The following LAMB4 variants were observed in gnomAD, a reference collection of about 807,000 sequenced individuals.
LAMB4 encodes laminin subunit beta 4.
Under a neutral mutation model 199.2 loss-of-function variants are expected in LAMB4, and 196 were observed. The observed-to-expected ratio is 0.98, with a 90% CI of 0.88 to 1.11. The LOEUF (loss-of-function observed/expected upper bound fraction) is 1.11, where lower values mean the gene tolerates loss of function less well. LAMB4 is among the 50% of genes least tolerant of loss of function. The pLI is 0.00. For synonymous variants in LAMB4, 744 were observed against 770.6 expected, an observed-to-expected ratio of 0.97 and a Z score of 0.57; for missense variants, 2,080 against 2,171.2, an observed-to-expected ratio of 0.96 and a Z score of 0.83.
chr7:108,107,731 G>A lies in LAMB4; in HGVS notation c.491C>T (p.Ala164Val). The A allele has an allele frequency of 6.2e-7, 1 of 1,613,646 alleles. No individual in the cohort carries two copies. The highest frequency in any genetic ancestry group is 8.5e-7 in the Non-Finnish European group (1 of 1,179,700). The change falls in exon 6 of 34, where the codon GCC becomes GTC. Residue 164 changes from alanine (A) to valine (V), a missense_variant. Transcript: ENST00000388781. ...AGATGTGATGTTAGGAAAGGAAGTG[G>A]CACAGTCTTTTGCAAAATATTTGAA... is the stretch of plus-strand genomic sequence containing the variant. Reference protein sequence around the residue: ...KVFKYFAKDCATSFPNITSGQ... With the variant: ...KVFKYFAKDCVTSFPNITSGQ...
chr7:108,100,793 G>A (rs2037788471), intron 10 of LAMB4, among the ~76,000 whole-genome samples: 1 of 152,170 alleles, frequency 6.6e-6, no homozygotes, highest in Non-Finnish European at 1.5e-5. Context: ...AGTTATGTGT[G>A]TGCATGATTA....
chr7:108,061,848 C>G (rs1303205586), intron 23 of LAMB4, among the ~76,000 whole-genome samples: 1 of 151,972 alleles, frequency 6.6e-6, no homozygotes, highest in Non-Finnish European at 1.5e-5. Flanking sequence ...TAAGAACTAC[C>G]TTCAAAAGAC....
At chr7:108,107,284 A>G (rs1166465967) in intron 6 of LAMB4, among the ~76,000 whole-genome samples, 3 of 152,180 alleles carry the variant, frequency 2.0e-5, no homozygotes, top group African/African-American at 7.2e-5. Flanking sequence ...GTGGTGGTTT[A>G]CAGAGTATGG....
chr7:108,126,513 T>C (rs1584803723), intron 1 of LAMB4, among the ~76,000 whole-genome samples: 1 of 151,612 alleles, frequency 6.6e-6, no homozygotes, highest in Non-Finnish European at 1.5e-5. Flanking sequence ...CATAATGTCC[T>C]AAAGGTTCAT....
chr7:108,056,568 C>G (rs1455906345), intron 24 of LAMB4, among the ~76,000 whole-genome samples: 2 of 152,130 alleles, frequency 1.3e-5, no homozygotes, highest in African/African-American at 4.8e-5. Flanking sequence ...TCTGACCAAG[C>G]CTGAAGATAG....
intron 14 of LAMB4, among the ~76,000 whole-genome samples, chr7:108,082,358 C>A (rs1374190866): frequency 6.7e-6 from 1 of 148,588 alleles, no homozygotes. Context: ...AAAAGAGTCG[C>A]AGAACTTCAG....
rs200078120 is a variant in LAMB4, at chr7:108,025,363, A to ATTCT, written c.5147-1189_5147-1186dup. ...AAGGTGGTGAGTGTTCTGTCACTAG[A>ATTCT]TTCTTTCTTTCTTTCTTTTCTTTTC... On this transcript the variant is annotated intron_variant, in intron 33 of 33. Coordinates refer to ENST00000388781, the MANE Select transcript of LAMB4 (RefSeq NM_007356.3). 8.1e-5 allele frequency among the ~76,000 whole-genome samples: 11 copies of ATTCT among 135,148 alleles called. 1 individual carries two copies. The highest frequency in any genetic ancestry group is 1.2e-4 in the Non-Finnish European group (8 of 66,796). 88.7% of individuals were successfully genotyped at this position (135,148 alleles called of 152,430 possible).
chr7:108,014,945 C>G, the LAMB4 span, among the ~76,000 whole-genome samples: 1 of 152,160 alleles, frequency 6.6e-6, no homozygotes, highest in African/African-American at 2.4e-5. Context: ...TGGTCTCGAA[C>G]TCCTGACCTC....
At chr7:108,129,268 C>A (rs912082519) in intron 1 of LAMB4, among the ~76,000 whole-genome samples, 1 of 151,856 alleles carries the variant, frequency 6.6e-6, no homozygotes, top group Admixed American at 6.5e-5. Flanking sequence ...ACATGCATTC[C>A]GCTCCTGTTT....
chr7:108,030,118 CAAA>C (rs749155829), intron 32 of LAMB4, among the ~76,000 whole-genome samples: 5 of 79,870 alleles, frequency 6.3e-5, no homozygotes, highest in Admixed American at 2.9e-4. Flanking sequence ...CTCTGTCTCA[CAAA>C]AAAAAAAAAA....
Position 108,065,833 on chromosome 7 carries a change from T to C in LAMB4, c.2765A>G (p.Tyr922Cys). The C allele has an allele frequency of 6.2e-7, 1 of 1,614,056 alleles. No homozygotes were observed. The highest frequency in any genetic ancestry group is 8.5e-7 in the Non-Finnish European group (1 of 1,179,926). ...ATTCTGATAACAGGAATGGGCAAAA[T>C]ACTGATTGCTTGAGGGATCATCTGG... Reference protein sequence around the residue: ...LCPDDPSSNQYFAHSCYQNLW... With the variant: ...LCPDDPSSNQCFAHSCYQNLW... The change falls in exon 21 of 34, where the codon TAT becomes TGT. Residue 922 changes from tyrosine (Y) to cysteine (C), a missense_variant. Coordinates refer to ENST00000388781, the MANE Select transcript of LAMB4 (RefSeq NM_007356.3).
rs752876379 is a variant in LAMB4 at position 108,079,654 on chromosome 7, T to C, written c.1834A>G (p.Asn612Asp). ...AAGTCCACAGGAAAGGGAATGTTGT[T>C]GACAGCAAATCTCAAGCCAGCCCCA... ...LPGAGLRFAV[N>D]NIPFPVDFTI... The change falls in exon 15 of 34, where the codon AAC (asparagine) becomes GAC (aspartate). Residue 612 changes from asparagine (N) to aspartate (D), a missense_variant. By Grantham distance (23) the Asn-to-Asp change is conservative. Coordinates refer to ENST00000388781, the MANE Select transcript of LAMB4 (RefSeq NM_007356.3). 1.9e-6 allele frequency: 3 copies of C among 1,613,150 alleles called. No individual in the cohort carries two copies. Among genetic ancestry groups the C allele is most frequent in the Non-Finnish European group, 1.7e-6 (2 of 1,179,716 alleles).
Position 108,106,492 on chromosome 7 carries a change from T to A in LAMB4, c.655+17A>T. The A allele has an allele frequency of 6.9e-7, 1 of 1,444,190 alleles. No homozygotes were observed. Among genetic ancestry groups the A allele is most frequent in the Non-Finnish European group, 9.6e-7 (1 of 1,046,358 alleles). 89.5% of individuals were successfully genotyped at this position (1,444,190 alleles called of 1,614,324 possible). On this transcript the variant is annotated intron_variant, in intron 7 of 33. Coordinates refer to ENST00000388781, the MANE Select transcript of LAMB4 (RefSeq NM_007356.3). ...ATTTTTTTAAAGCTGATATGAAAAA[T>A]ATAAAGGAATTCATACCTTGGATGT...
Position 108,055,693 on chromosome 7 carries a change from T to G in LAMB4, c.3694A>C (p.Lys1232Gln). The G allele has an allele frequency of 1.2e-6, 2 of 1,614,100 alleles. No individual in the cohort carries two copies. The highest frequency in any genetic ancestry group is 8.5e-7 in the Non-Finnish European group (1 of 1,179,930). ...TTCCCAGATGGGAAAACAGGATGTT[T>G]CAAAATCCTTTCTATTTCAGACACG... ...GNVSEIERILKHPVFPSGKFL... is the reference protein window; with the variant it reads ...GNVSEIERILQHPVFPSGKFL... Residue 1232 changes from lysine to glutamine, a missense_variant, in exon 25 of 34, where the codon AAA becomes CAA. Transcript: ENST00000388781.
At chr7:108,058,063 T>A in intron 23 of LAMB4, 135 bp from the exon 24 acceptor site, 1 of 656,546 alleles carries the variant, frequency 1.5e-6, no homozygotes, top group Non-Finnish European at 2.7e-6. Flanking sequence ...ATGATTCCCA[T>A]GTCCAGCAGC....
chr7:108,102,234 A>G (rs997431208), intron 10 of LAMB4, among the ~76,000 whole-genome samples: 4 of 152,252 alleles, frequency 2.6e-5, no homozygotes, highest in African/African-American at 4.8e-5. Flanking sequence ...AGAAATTAAA[A>G]TGGAAGAACT....
At chr7:108,122,530 G>T (rs2038637065) in intron 2 of LAMB4, among the ~76,000 whole-genome samples, 1 of 152,206 alleles carries the variant, frequency 6.6e-6, no homozygotes, top group Non-Finnish European at 1.5e-5. Flanking sequence ...AAGGTTTGTT[G>T]TCATGAAGAA....
chr7:108,038,826 C>A (rs972310373), intron 29 of LAMB4, among the ~76,000 whole-genome samples: 18 of 152,190 alleles, frequency 1.2e-4, no homozygotes, highest in African/African-American at 4.3e-4. Flanking sequence ...TAGTGAACAC[C>A]TACAATTCCC....
At chr7:108,043,548 T>TGACTATACA (rs1563040719) in intron 29 of LAMB4, among the ~76,000 whole-genome samples, 4 of 4,508 alleles carry the variant, frequency 8.9e-4, no homozygotes, top group African/African-American at 3.0e-3. Context: ...CTATGATGTT[T>TGACTATACA]TTTTTTTTTT....
Sources: allele counts gnomAD v4.1 joint callset (sites outside exome capture counted in the v4.1 genomes callset), GRCh38; gene constraint gnomAD v4.1.1; transcripts MANE v1.5; gene names NCBI Gene and HGNC (gene_info 2026-07-23, HGNC 2026-07-21).